Variants in MAGI2 observed in about 807,000 individuals in gnomAD.
MAGI2 encodes the protein membrane associated guanylate kinase, WW and PDZ domain containing 2, also known as membrane-associated guanylate kinase, WW and PDZ domain-containing protein 2.
A neutral mutation model predicts 133.3 loss-of-function variants in MAGI2; 35 were observed. The ratio of observed to expected loss-of-function variants is 0.26; its 90% CI spans 0.20 to 0.35. The LOEUF (loss-of-function observed/expected upper bound fraction) is 0.35. Ranked by LOEUF, MAGI2 falls within the 10% of genes least tolerant of loss-of-function variation. The probability of loss-of-function intolerance (pLI) is 1.00; values close to 1 mark genes in which losing one functional copy is unlikely to be tolerated. For synonymous variants in MAGI2, 729 were observed against 710.6 expected (o/e 1.03, Z -0.41); for missense variants, 1,636 against 1,863.4 (o/e 0.88, Z 2.25).
At chr7:78,721,533 C>T (rs2151200904) in intron 2 of MAGI2, among the ~76,000 whole-genome samples, 1 of 151,922 alleles carries the variant, frequency 6.6e-6, no homozygotes, top group East Asian at 1.9e-4. Flanking sequence ...CGGGTAGATG[C>T]AGAATTTTGA....
chr7:78,078,810 GTGTATA>G (rs1815649139), intron 21 of MAGI2, 131 bp downstream of exon 21: 1 of 766,902 alleles, frequency 1.3e-6, no homozygotes, highest in South Asian at 1.6e-5. Context: ...GTGTGTGTGT[GTGTATA>G]TATATACCTA....
intron 4 of MAGI2, among the ~76,000 whole-genome samples, chr7:78,512,702 C>G (rs1795707995): frequency 6.6e-6 from 1 of 152,178 alleles, no homozygotes; most frequent in South Asian, 2.1e-4. Context: ...TACATCTCTT[C>G]TATTCAGGGT....
At chr7:79,044,814 A>C (rs1720568539) in intron 1 of MAGI2, among the ~76,000 whole-genome samples, 1 of 152,216 alleles carries the variant, frequency 6.6e-6, no homozygotes, top group Non-Finnish European at 1.5e-5. Context: ...ATGCAATCAC[A>C]GTCACAGCAG....
chr7:78,669,943 T>C (rs2151069002), intron 2 of MAGI2, among the ~76,000 whole-genome samples: 1 of 151,758 alleles, frequency 6.6e-6, no homozygotes, highest in East Asian at 1.9e-4. Context: ...GAGCTATCTA[T>C]GACAAACCCA....
intron 1 of MAGI2, among the ~76,000 whole-genome samples, chr7:79,428,168 C>T (rs12530628): frequency 0.86 from 130,461 of 152,094 alleles, 56,182 homozygotes; most frequent in African/African-American, 0.91. Flanking sequence ...CAGAGAACAG[C>T]TGGAAACCAT....
At chr7:78,787,789 C>T (rs1209720) in intron 2 of MAGI2, among the ~76,000 whole-genome samples, 69,522 of 151,898 alleles carry the variant, frequency 0.46, 16,589 homozygotes, top group South Asian at 0.55. Flanking sequence ...GAAAGAATGG[C>T]GGAGTTTTAA....
At position 78,179,513 on chromosome 7, in the gene MAGI2, C is replaced by T. The variant is rs528631712; in HGVS notation, c.2312-1411G>A. ...TGAAAGGCATCATTCACTTCTGAGA[C>T]GTGGGCAAATGCCGATTATTTATCT... On this transcript the variant is annotated intron_variant, in intron 13 of 21. Transcript: ENST00000354212. 1.1e-4 allele frequency among the ~76,000 whole-genome samples: 17 copies of T among 152,322 alleles called. No individual in the cohort carries two copies. In the East Asian group the frequency reaches 1.2e-3, roughly 10 times the overall value.
intron 2 of MAGI2, among the ~76,000 whole-genome samples, chr7:78,855,568 T>C (rs2151488925): frequency 6.6e-6 from 1 of 152,318 alleles, no homozygotes; most frequent in East Asian, 1.9e-4. Context: ...TCCATGTCCC[T>C]ACAAAGGACA....
chr7:79,013,917 T>A (rs1378803073), intron 1 of MAGI2, among the ~76,000 whole-genome samples: 1 of 152,184 alleles, frequency 6.6e-6, no homozygotes, highest in Non-Finnish European at 1.5e-5. Context: ...AATTTTTACT[T>A]ACATGACAAT....
intron 1 of MAGI2, among the ~76,000 whole-genome samples, chr7:79,403,517 A>C (rs1845607300): frequency 6.6e-6 from 1 of 152,098 alleles, no homozygotes; most frequent in Non-Finnish European, 1.5e-5. Context: ...AGAAATATAT[A>C]TTTTAGGTGC....
intron 1 of MAGI2, among the ~76,000 whole-genome samples, chr7:79,262,268 T>C (rs538815796): frequency 3.3e-5 from 5 of 152,310 alleles, no homozygotes; most frequent in Admixed American, 1.3e-4. Context: ...TTATTTAAGG[T>C]TATTTTGGTG....
Position 78,658,433 on chromosome 7 carries a change from C to T in MAGI2, c.419-31194G>A, listed in dbSNP as rs1018218123. ...GACTAGGCAGAATTCTTAGACTTGA[C>T]ACCAAAAGCACAACCCATAGAAGGG... On this transcript the variant is annotated intron_variant, in intron 2 of 21. Transcript: ENST00000354212. 4.6e-5 allele frequency among the ~76,000 whole-genome samples: 7 copies of T among 152,252 alleles called. No homozygotes were observed. The South Asian group carries it at 1.4e-3, about 32-fold the overall frequency.
chr7:78,234,114 T>A (rs1163827604), intron 10 of MAGI2, among the ~76,000 whole-genome samples: 4 of 151,948 alleles, frequency 2.6e-5, no homozygotes, highest in Non-Finnish European at 5.9e-5. Context: ...GTATGGGGAG[T>A]TTTTTGACAA....
At chr7:78,337,886 C>T (rs1398658759) in intron 9 of MAGI2, among the ~76,000 whole-genome samples, 1 of 102,772 alleles carries the variant, frequency 9.7e-6, no homozygotes, top group Admixed American at 9.5e-5. Flanking sequence ...AGCATCCATC[C>T]AATCACCATC....
At chr7:79,376,943 A>C (rs188190094) in intron 1 of MAGI2, among the ~76,000 whole-genome samples, 1 of 151,788 alleles carries the variant, frequency 6.6e-6, no homozygotes. Flanking sequence ...AATATCAATA[A>C]GAAAATATTC....
At chr7:78,909,043 A>G (rs1038533356) in intron 2 of MAGI2, among the ~76,000 whole-genome samples, 1 of 151,950 alleles carries the variant, frequency 6.6e-6, no homozygotes, top group Admixed American at 6.6e-5. Flanking sequence ...AGAATGGGAG[A>G]ACATTTTTGC....
chr7:78,070,389 A>G (rs1814457935), intron 21 of MAGI2, among the ~76,000 whole-genome samples: 1 of 148,616 alleles, frequency 6.7e-6, no homozygotes, highest in African/African-American at 2.5e-5. Flanking sequence ...TTATTGCAGC[A>G]AGCCACCTTT....
chr7:78,597,316 C>T (rs1473551137), intron 3 of MAGI2, among the ~76,000 whole-genome samples: 1 of 148,450 alleles, frequency 6.7e-6, no homozygotes, highest in Non-Finnish European at 1.5e-5. Context: ...TCTCAGCATA[C>T]TTGATACATA....
chr7:78,521,964 T>C (rs190461128), intron 3 of MAGI2, among the ~76,000 whole-genome samples: 4 of 152,350 alleles, frequency 2.6e-5, no homozygotes, highest in Non-Finnish European at 5.9e-5. Flanking sequence ...ATCCGAATTT[T>C]TTATAACAAG....
Sources: allele counts gnomAD v4.1 joint callset (sites outside exome capture counted in the v4.1 genomes callset), GRCh38; gene constraint gnomAD v4.1.1; transcripts MANE v1.5; gene names NCBI Gene and HGNC (gene_info 2026-07-23, HGNC 2026-07-21).